EPHA6: variants seen among roughly 807,000 people sequenced by gnomAD.
EPHA6 encodes EPH receptor A6, also known as ephrin type-A receptor 6.
Under a neutral mutation model 112.0 loss-of-function variants are expected in EPHA6, and 50 were observed. The ratio of observed to expected loss-of-function variants is 0.45; its 90% CI spans 0.36 to 0.56. The LOEUF is 0.56. Ranked by LOEUF, EPHA6 falls within the 20% of genes least tolerant of loss-of-function variation. EPHA6 has a pLI of 0.00. For missense variants in EPHA6, 1,280 were observed against 1,417.4 expected (o/e 0.90, Z 1.56); for synonymous variants, 529 against 490.7 (o/e 1.08, Z -1.03).
chr3:97,442,218 T>C (rs1171377466), intron 6 of EPHA6, among the ~76,000 whole-genome samples: 1 of 152,160 alleles, frequency 6.6e-6, no homozygotes, highest in Non-Finnish European at 1.5e-5. Flanking sequence ...CTCTATTTTG[T>C]ACATCTTGAA....
At chr3:96,898,760 T>A (rs1435384172) in intron 2 of EPHA6, among the ~76,000 whole-genome samples, 3 of 152,006 alleles carry the variant, frequency 2.0e-5, no homozygotes, top group Admixed American at 6.5e-5. Context: ...CCGGGCGCGG[T>A]GGCTCACGGC....
intron 3 of EPHA6, among the ~76,000 whole-genome samples, chr3:97,096,970 A>C (rs1432375493): frequency 6.6e-6 from 1 of 151,786 alleles, no homozygotes; most frequent in Non-Finnish European, 1.5e-5. Flanking sequence ...TTCCCTACGT[A>C]GTTTATGAGT....
chr3:97,444,445 A>C (rs898928489), intron 6 of EPHA6, among the ~76,000 whole-genome samples: 3 of 152,154 alleles, frequency 2.0e-5, no homozygotes, highest in African/African-American at 7.2e-5. Flanking sequence ...ACATTAAAAA[A>C]ATATTGAATT....
intron 5 of EPHA6, among the ~76,000 whole-genome samples, chr3:97,316,087 TTG>T (rs1576931531): frequency 1.3e-5 from 2 of 151,822 alleles, no homozygotes; most frequent in Non-Finnish European, 2.9e-5. Context: ...CCTTAAATTA[TTG>T]TGTCATATTA....
chr3:97,612,337 T>C (rs2107464525), intron 13 of EPHA6: 2 of 390,314 alleles, frequency 5.1e-6, no homozygotes, highest in Non-Finnish European at 1.0e-5. Flanking sequence ...TTGGGTTAGG[T>C]TGGTTTTCTT....
At chr3:97,642,041 T>C (rs947496591) in intron 14 of EPHA6, among the ~76,000 whole-genome samples, 1 of 147,864 alleles carries the variant, frequency 6.8e-6, no homozygotes, top group Non-Finnish European at 1.5e-5. Context: ...AATGTCCCTG[T>C]CTGACAGCTT....
intron 3 of EPHA6, among the ~76,000 whole-genome samples, chr3:97,108,650 G>C (rs1413425602): frequency 1.3e-5 from 2 of 152,116 alleles, no homozygotes; most frequent in African/African-American, 2.4e-5. Context: ...TGCTTGAGAA[G>C]ATACAGGCAG....
Position 97,756,583 on chromosome 3 carries a change from T to C in EPHA6, c.*7882T>C, listed in dbSNP as rs1357951024. ...GTACTCTTTCTTCCCATGCTAGATA[T>C]GTCTTCAAAGAAAAATGTATTAATA... On this transcript the variant is annotated 3_prime_UTR_variant, in exon 18 of 18. Transcript: ENST00000389672. Among the ~76,000 whole-genome samples, 3 of 151,960 alleles carry C rather than the reference T, an allele frequency of 2.0e-5. No individual in the cohort carries two copies. Among genetic ancestry groups the C allele is most frequent in the Admixed American group, 1.3e-4 (2 of 15,272 alleles).
chr3:97,219,541 GC>G (rs1363850336), intron 3 of EPHA6, among the ~76,000 whole-genome samples: 3 of 152,096 alleles, frequency 2.0e-5, no homozygotes, highest in Non-Finnish European at 4.4e-5. Flanking sequence ...CTGTACCTTG[GC>G]CCCTTTTAGC....
intron 1 of EPHA6, among the ~76,000 whole-genome samples, chr3:96,849,411 A>G (rs1044516601): frequency 5.3e-5 from 8 of 152,122 alleles, no homozygotes; most frequent in Non-Finnish European, 1.0e-4. Flanking sequence ...AAATAAATAT[A>G]TAGAGAATTA....
Position 97,229,469 on chromosome 3 carries a change from T to C in EPHA6, c.1270+3050T>C, listed in dbSNP as rs141058699. ...AATTGTCCCAGCACCATTTATTGAA[T>C]AGGGTGTCCTTTCTCCACTTTATGT... On this transcript the variant is annotated intron_variant, in intron 4 of 17. Coordinates refer to ENST00000389672, the MANE Select transcript of EPHA6 (RefSeq NM_001080448.3). 1.4e-4 allele frequency among the ~76,000 whole-genome samples: 22 copies of C among 152,262 alleles called. No homozygotes were observed. The East Asian group carries it at 4.3e-3, about 29-fold the overall frequency.
chr3:97,303,498 T>C (rs576521467), intron 5 of EPHA6, among the ~76,000 whole-genome samples: 14 of 152,024 alleles, frequency 9.2e-5, no homozygotes, highest in African/African-American at 3.4e-4. Flanking sequence ...GCTTACACAA[T>C]TATGGAGGTT....
rs561078834 is a variant in EPHA6, at chr3:97,442,557, G to A, written c.1732-6011G>A. On this transcript the variant is annotated intron_variant, in intron 6 of 17. Coordinates refer to ENST00000389672, the MANE Select transcript of EPHA6 (RefSeq NM_001080448.3). ...TGCACTCCAGCCTGGTTGACAGGAC[G>A]AGACTCTGCCTCAAAAAGAGAGAGA... is the stretch of plus-strand genomic sequence containing the variant. Among the ~76,000 whole-genome samples the A allele has an allele frequency of 1.5e-4, 23 of 152,238 alleles. No individual in the cohort carries two copies. In the South Asian group the frequency reaches 4.8e-3, roughly 32 times the overall value.
intron 3 of EPHA6, among the ~76,000 whole-genome samples, chr3:96,990,636 A>G (rs2043180240): frequency 6.6e-6 from 1 of 152,170 alleles, no homozygotes; most frequent in South Asian, 2.1e-4. Flanking sequence ...TATAAACAAA[A>G]GAAATGTCAG....
In EPHA6 at chr3:97,374,613, G is replaced by A. The variant is rs113556775; in HGVS notation, c.1607-30537G>A. On this transcript the variant is annotated intron_variant, in intron 5 of 17. Transcript: ENST00000389672. ...AGGCAGTCAGCGTCACCCAGGTAGTGAGCACAGTACTCAATAGGTAGTTTT... is the reference window on the plus strand; with the variant it reads ...AGGCAGTCAGCGTCACCCAGGTAGTAAGCACAGTACTCAATAGGTAGTTTT... 5.5e-3 allele frequency among the ~76,000 whole-genome samples: 835 copies of A among 152,170 alleles called. 10 individuals carry two copies. The highest frequency in any genetic ancestry group is 0.019 in the African/African-American group (803 of 41,530).
At chr3:97,407,266 T>C (rs1275957917) in intron 6 of EPHA6, among the ~76,000 whole-genome samples, 1 of 151,994 alleles carries the variant, frequency 6.6e-6, no homozygotes, top group Non-Finnish European at 1.5e-5. Flanking sequence ...TTTGTGTATG[T>C]ACTGTTATAT....
chr3:96,854,288 T>A (rs1168471176), intron 1 of EPHA6, among the ~76,000 whole-genome samples: 1 of 151,324 alleles, frequency 6.6e-6, no homozygotes, highest in Non-Finnish European at 1.5e-5. Context: ...CAAGTGATTA[T>A]CCTGCCTCAG....
chr3:97,557,003 A>T (rs1456941326), intron 11 of EPHA6, among the ~76,000 whole-genome samples: 1 of 151,986 alleles, frequency 6.6e-6, no homozygotes, highest in East Asian at 1.9e-4. Context: ...CCTCTATTAT[A>T]TGAGTGTATT....
chr3:97,547,365 G>T (rs2092967112), intron 11 of EPHA6, among the ~76,000 whole-genome samples: 1 of 152,180 alleles, frequency 6.6e-6, no homozygotes, highest in Non-Finnish European at 1.5e-5. Flanking sequence ...CAGCAGCGGT[G>T]GCTACCGAAC....
Sources: gnomAD v4.1 joint callset for allele counts (sites outside exome capture counted in the v4.1 genomes callset) on GRCh38, gnomAD v4.1.1 for gene constraint, MANE v1.5 for transcripts, NCBI Gene and HGNC (gene_info 2026-07-23, HGNC 2026-07-21) for gene names.